The following RGS21 variants were observed in gnomAD, a reference collection of about 807,000 sequenced individuals.
The protein encoded by RGS21 is regulator of G-protein signalling 21.
In RGS21, 19 loss-of-function variants were observed where a neutral mutation model predicts 18.7. That is an observed-to-expected ratio of 1.01 (90% CI 0.71 to 1.49). The LOEUF (loss-of-function observed/expected upper bound fraction) is 1.49. Ranked by LOEUF, RGS21 falls within the 40% of genes most tolerant of loss-of-function variation. The pLI is 0.00. For missense variants in RGS21, 194 were observed against 176.8 expected, an observed-to-expected ratio of 1.10 and a Z score of -0.55; for synonymous variants, 56 against 57.8, an observed-to-expected ratio of 0.97 and a Z score of 0.14.
chr1:192,343,264 AG>A (rs1658899810), intron 2 of RGS21, among the ~76,000 whole-genome samples: 1 of 152,100 alleles, frequency 6.6e-6, no homozygotes, highest in South Asian at 2.1e-4. Context: ...TGTGGGCTAA[AG>A]AAAGGTTATA....
intron 3 of RGS21, 22 bp from the exon 4 acceptor site, chr1:192,352,025 C>T (rs759472973): frequency 2.0e-6 from 3 of 1,500,422 alleles, no homozygotes; most frequent in South Asian, 2.6e-5. Context: ...TTATACAAAA[C>T]TTTTTCTCAT....
chr1:192,333,176 A>G (rs1658685110), intron 1 of RGS21, among the ~76,000 whole-genome samples: 1 of 151,886 alleles, frequency 6.6e-6, no homozygotes, highest in African/African-American at 2.4e-5. Context: ...CAAAACAAAA[A>G]TCTCATTAGG....
intron 1 of RGS21, among the ~76,000 whole-genome samples, chr1:192,318,710 G>C (rs990924847): frequency 6.6e-6 from 1 of 151,958 alleles, no homozygotes; most frequent in Non-Finnish European, 1.5e-5. Flanking sequence ...CATTGCTCAA[G>C]CTTGGAGGAA....
chr1:192,361,321 T>G (rs55688138), intron 4 of RGS21, among the ~76,000 whole-genome samples: 28,410 of 152,080 alleles, frequency 0.19, 2,883 homozygotes, highest in South Asian at 0.29. Flanking sequence ...GAGGCAGAAC[T>G]TGGAGAATAT....
At chr1:192,346,136 A>C (rs893255777) in intron 2 of RGS21, among the ~76,000 whole-genome samples, 4 of 152,082 alleles carry the variant, frequency 2.6e-5, no homozygotes, top group South Asian at 2.1e-4. Context: ...TGAGTAATGG[A>C]AAATAGTAAA....
intron 1 of RGS21, among the ~76,000 whole-genome samples, chr1:192,324,016 C>T (rs964740855): frequency 4.6e-5 from 7 of 152,104 alleles, no homozygotes; most frequent in Admixed American, 3.3e-4. Context: ...TTTCATTGTT[C>T]ATCCCTAAGA....
At chr1:192,321,023 T>C (rs1042515427) in intron 1 of RGS21, among the ~76,000 whole-genome samples, 1 of 152,010 alleles carries the variant, frequency 6.6e-6, no homozygotes, top group African/African-American at 2.4e-5. Flanking sequence ...TTTTAATTCA[T>C]CTAATTGAAT....
intron 4 of RGS21, among the ~76,000 whole-genome samples, chr1:192,362,777 C>A (rs1659203767): frequency 6.6e-6 from 1 of 152,022 alleles, no homozygotes; most frequent in Non-Finnish European, 1.5e-5. Flanking sequence ...TATTAATTAG[C>A]ATTATTATGT....
intron 4 of RGS21, among the ~76,000 whole-genome samples, chr1:192,361,265 G>C (rs1479578719): frequency 1.3e-5 from 2 of 152,060 alleles, no homozygotes; most frequent in Non-Finnish European, 2.9e-5. Context: ...CTTTGCCATG[G>C]AAGAAGACAA....
chr1:192,327,141 T>G (rs1043998498), intron 1 of RGS21, among the ~76,000 whole-genome samples: 1 of 152,124 alleles, frequency 6.6e-6, no homozygotes, highest in African/African-American at 2.4e-5. Context: ...AACATTTAAC[T>G]GACCTAAGAA....
intron 3 of RGS21, among the ~76,000 whole-genome samples, chr1:192,349,543 A>G (rs1350809978): frequency 6.6e-6 from 1 of 152,152 alleles, no homozygotes; most frequent in Non-Finnish European, 1.5e-5. Flanking sequence ...ATTCCATTCT[A>G]TGGAGAGTGC....
intron 3 of RGS21, among the ~76,000 whole-genome samples, chr1:192,350,824 G>GTTT (rs1384189823): frequency 6.6e-6 from 1 of 152,126 alleles, no homozygotes; most frequent in African/African-American, 2.4e-5. Context: ...CTCTGGGTAT[G>GTTT]CCAAAGAAAA....
At chr1:192,340,627 G>A (rs1203758475) in intron 1 of RGS21, among the ~76,000 whole-genome samples, 2 of 152,002 alleles carry the variant, frequency 1.3e-5, no homozygotes, top group Non-Finnish European at 2.9e-5. Context: ...TCAGAGTCCA[G>A]GGGACATGTA....
chr1:192,342,925 G>T, intron 1 of RGS21, 52 bp from the exon 2 acceptor site: 1 of 1,017,222 alleles, frequency 9.8e-7, no homozygotes, highest in Non-Finnish European at 1.5e-6. Flanking sequence ...TAACCCAGGG[G>T]ATAGGTATTC....
chr1:192,341,947 T>C (rs929408655), intron 1 of RGS21, among the ~76,000 whole-genome samples: 2 of 152,054 alleles, frequency 1.3e-5, no homozygotes, highest in African/African-American at 4.8e-5. Context: ...TTAATGGTGC[T>C]TGAATTAACA....
At chr1:192,363,808 C>A (rs1437191150) in intron 4 of RGS21, among the ~76,000 whole-genome samples, 1 of 152,012 alleles carries the variant, frequency 6.6e-6, no homozygotes, top group African/African-American at 2.4e-5. Context: ...TAATTTTTTT[C>A]TTGCATTAGG....
chr1:192,325,589 C>T (rs1658558168), intron 1 of RGS21, among the ~76,000 whole-genome samples: 1 of 152,010 alleles, frequency 6.6e-6, no homozygotes. Flanking sequence ...TAAGTGTTCC[C>T]TTTTCTCTGC....
At position 192,341,428 on chromosome 1, in the gene RGS21, C is replaced by T. The variant is rs78356021; in HGVS notation, c.-60-1549C>T. 1.2e-3 allele frequency among the ~76,000 whole-genome samples: 180 copies of T among 152,156 alleles called. 1 individual carries two copies. In the Middle Eastern group the frequency reaches 0.024, roughly 20 times the overall value. On this transcript the variant is annotated intron_variant, in intron 1 of 4. Transcript: ENST00000417209. ...AAAAGCTGACGGTATTTAGATGTCC[C>T]AACAGTATCTATATGGCAATCCTTT...
chr1:192,344,873 A>C (rs1658924905), intron 2 of RGS21, among the ~76,000 whole-genome samples: 1 of 152,048 alleles, frequency 6.6e-6, no homozygotes, highest in Non-Finnish European at 1.5e-5. Context: ...TCCTAAAAAC[A>C]ATGTCAGCAT....
Sources: allele counts gnomAD v4.1 joint callset (sites outside exome capture counted in the v4.1 genomes callset), GRCh38; gene constraint gnomAD v4.1.1; transcripts MANE v1.5; gene names NCBI Gene and HGNC (gene_info 2026-07-23, HGNC 2026-07-21).